Variants in CHADL observed in about 807,000 individuals in gnomAD.
The protein encoded by CHADL is chondroadherin-like protein.
CHADL carries 48 observed loss-of-function variants against 52.1 expected under a neutral mutation model. The ratio of observed to expected loss-of-function variants is 0.92; its 90% confidence interval spans 0.73 to 1.17. The LOEUF is 1.17. Among genes scored for constraint, CHADL ranks in the 50% most tolerant of loss-of-function variants. The probability of loss-of-function intolerance (pLI) is 0.00; values close to 1 mark genes in which losing one functional copy is unlikely to be tolerated. For synonymous variants in CHADL, 498 were observed against 511.2 expected, an observed-to-expected ratio of 0.97 and a Z score of 0.35; for missense variants, 977 against 1,035.1, an observed-to-expected ratio of 0.94 and a Z score of 0.77.
chr22:41,229,871 CCTCCTCCTCCTCCATCT>C, intron 5 of CHADL, 141 bp from the exon 6 acceptor site: 1 of 774,698 alleles, frequency 1.3e-6, no homozygotes, highest in East Asian at 2.7e-5. Flanking sequence ...GGCCCCGGCC[CCTCCTCCTCCTCCATCT>C]CTACCCCTAC....
chr22:41,237,449 C>T lies in CHADL; in HGVS notation c.1623G>A (p.Leu541=), dbSNP rs149122050. The T allele has an allele frequency of 4.6e-3, 7,166 of 1,550,528 alleles. 256 individuals are homozygous for T. The Admixed American group carries it at 0.09, about 19-fold the overall frequency. The part of the protein sequence containing the change: ...NAVDRLAPGD[L]GRTRALRWVY... The stretch of plus-strand genomic sequence containing the variant: ...CCCAGCGCAAGGCCCGTGTTCTCCC[C>T]AGGTCCCCAGGTGCCAGGCGGTCCA... Residue 541 remains leucine, a synonymous_variant, in exon 3 of 6, where the codon CTG becomes CTA. Transcript: ENST00000216241.
At chr22:41,230,135 T>C in intron 5 of CHADL, 1 of 1,111,286 alleles carries the variant, frequency 9.0e-7, no homozygotes, top group Non-Finnish European at 1.2e-6. Context: ...CCCTCCCTCT[T>C]CAGTCATTGC....
At chr22:41,240,777 C>T in intron 1 of CHADL, 97 bp downstream of exon 1, 3 of 1,448,662 alleles carry the variant, frequency 2.1e-6, no homozygotes, top group South Asian at 1.2e-5. Context: ...GAGCCCCTGC[C>T]CGCCAGCCTC....
intron 5 of CHADL, among the ~76,000 whole-genome samples, chr22:41,232,164 C>G (rs978620929): frequency 6.6e-6 from 1 of 151,816 alleles, no homozygotes; most frequent in African/African-American, 2.4e-5. Context: ...AACCCTGTCT[C>G]TACTAAAAAT....
intron 5 of CHADL, among the ~76,000 whole-genome samples, chr22:41,233,278 A>G (rs897600487): frequency 6.6e-6 from 1 of 152,110 alleles, no homozygotes; most frequent in Non-Finnish European, 1.5e-5. Context: ...CCTGACCAAC[A>G]TGGTAAAACC....
intron 2 of CHADL, among the ~76,000 whole-genome samples, chr22:41,239,090 GCCT>G (rs1183899444): frequency 6.6e-6 from 1 of 152,122 alleles, no homozygotes; most frequent in Non-Finnish European, 1.5e-5. Context: ...TGCTGTCCCT[GCCT>G]CCTCGCTCTC....
chr22:41,235,070 G>C, intron 5 of CHADL, 75 bp downstream of exon 5: 2 of 1,443,746 alleles, frequency 1.4e-6, no homozygotes, highest in East Asian at 2.5e-5. Flanking sequence ...GCCAAGTCAG[G>C]CTCCTGCTTC....
chr22:41,229,787 C>T, intron 5 of CHADL, 57 bp from the exon 6 acceptor site: 2 of 1,469,868 alleles, frequency 1.4e-6, no homozygotes, highest in South Asian at 2.4e-5. Flanking sequence ...ACCAAGCAGT[C>T]CTGTACCACT....
chr22:41,240,035 C>T (rs1007707214), intron 1 of CHADL, among the ~76,000 whole-genome samples: 1 of 152,100 alleles, frequency 6.6e-6, no homozygotes, highest in African/African-American at 2.4e-5. Flanking sequence ...TAATGGTACC[C>T]CCCAGAAAGG....
chr22:41,232,192 C>T (rs901820937), intron 5 of CHADL, among the ~76,000 whole-genome samples: 12 of 151,876 alleles, frequency 7.9e-5, no homozygotes, highest in Middle Eastern at 3.2e-3. Context: ...ATTAGCCGGG[C>T]GTGGTGGCAG....
intron 5 of CHADL, among the ~76,000 whole-genome samples, chr22:41,233,479 G>A (rs1325717289): frequency 6.6e-6 from 1 of 152,026 alleles, no homozygotes; most frequent in Admixed American, 6.6e-5. Flanking sequence ...AAAAAGGGGG[G>A]GTGGAATTTG....
rs541022015 is a variant in CHADL, at chr22:41,237,990, G to A, written c.1082C>T (p.Ala361Val). The change falls in exon 3 of 6, where the codon GCG becomes GTG. Residue 361 changes from alanine (A) to valine (V), a missense_variant. Ala to Val is a moderately conservative substitution (Grantham distance 64). Coordinates refer to ENST00000216241, the MANE Select transcript of CHADL (RefSeq NM_138481.2). ...TTCCAGCTCTTCCTCTTCCTGCGCC[G>A]CGTCCCCAGGGCAGCGCAGGTCCCA... is the stretch of plus-strand genomic sequence containing the variant. The part of the protein sequence containing the change: ...RPWDLRCPGD[A>V]AQEEEELEER... 2 of 1,258,950 alleles carry A rather than the reference G, an allele frequency of 1.6e-6. No homozygotes were observed. The highest frequency in any genetic ancestry group is 3.3e-5 in the East Asian group (1 of 30,158). The allele number at this position is 1,258,950 out of a possible 1,614,324, so 78.0% of individuals were successfully genotyped here.
In CHADL at chr22:41,237,176, C is replaced by T. The variant is rs1479127818; in HGVS notation, c.1896G>A (p.Gln632=). The T allele has an allele frequency of 6.5e-7, 1 of 1,535,618 alleles. No homozygotes were observed. The highest frequency in any genetic ancestry group is 1.2e-5 in the South Asian group (1 of 83,072). Residue 632 remains glutamine (Q), a splice_region_variant and synonymous_variant, in exon 3 of 6, where the codon CAG becomes CAA. Transcript: ENST00000216241. The part of the protein sequence containing the change: ...HLFLNSSGLE[Q]ICPGAFSGLG... ...ACCCCGCCAGATGCCCAGTGCCCAC[C>T]TGCTCCAGGCCACTGCTGTTCAGGA...
rs1374184160 is a variant in CHADL at position 41,237,828 on chromosome 22, C to A, written c.1244G>T (p.Gly415Val). The A allele has an allele frequency of 6.8e-7, 1 of 1,474,368 alleles. No homozygotes were observed. The highest frequency in any genetic ancestry group is 1.3e-5 in the South Asian group (1 of 74,288). 91.3% of individuals were successfully genotyped at this position (1,474,368 alleles called of 1,614,324 possible). The change falls in exon 3 of 6, where the codon GGC becomes GTC. Residue 415 changes from glycine (G) to valine (V), a missense_variant. Transcript: ENST00000216241. ...ESRHSSCEGC[G>V]LQAVPRGFPS... ...GAAGCCGCGGGGCACCGCCTGCAGGCCGCAGCCCTCGCAGCTGCTGTGCCG... is the reference window on the plus strand; with the variant it reads ...GAAGCCGCGGGGCACCGCCTGCAGGACGCAGCCCTCGCAGCTGCTGTGCCG...
At position 41,238,475 on chromosome 22, in the gene CHADL, G is replaced by C. The variant is rs1368879755; in HGVS notation, c.597C>G (p.Pro199=). 2 of 1,532,974 alleles carry C rather than the reference G, an allele frequency of 1.3e-6. No individual in the cohort carries two copies. Among genetic ancestry groups the C allele is most frequent in the Non-Finnish European group, 1.8e-6 (2 of 1,141,756 alleles). 95.0% of individuals were successfully genotyped at this position (1,532,974 alleles called of 1,614,324 possible). Residue 199 remains proline (P), a synonymous_variant, in exon 3 of 6, where the codon CCC becomes CCG. Transcript: ENST00000216241. The surrounding 1 kb of genome is among the most constrained non-coding windows in gnomAD (Gnocchi z 4.9). ...LSHNALSVLA[P]EALAGLPALR... ...GGGCGGGCAGGCCAGCCAGGGCCTC[G>C]GGGGCCAGCACGCTGAGCGCGTTGT...
At chr22:41,236,225 C>A (rs2032737374) in intron 4 of CHADL, among the ~76,000 whole-genome samples, 1 of 152,194 alleles carries the variant, frequency 6.6e-6, no homozygotes, top group Admixed American at 6.5e-5. Flanking sequence ...CCTATTAGGT[C>A]CCAGCCCGCT....
chr22:41,238,602 A>T lies in CHADL; in HGVS notation c.470T>A (p.Leu157Gln), dbSNP rs1405873455. ...CAGGTTTAGCGTGGCCAGCGCACCC[A>T]GTGCCCCGAACGTCCCCGGCCGCAG... is the stretch of plus-strand genomic sequence containing the variant. Reference protein sequence around the residue: ...EELRPGTFGALGALATLNLAH... With the variant: ...EELRPGTFGAQGALATLNLAH... The change falls in exon 3 of 6, where the codon CTG (leucine) becomes CAG (glutamine). Residue 157 changes from leucine to glutamine, a missense_variant. Physicochemically the swap from Leu to Gln is moderately radical, Grantham distance 113. Coordinates refer to ENST00000216241, the MANE Select transcript of CHADL (RefSeq NM_138481.2). This position sits in a 1 kb window ranked among gnomAD's most constrained non-coding sequence, Gnocchi z 4.9. 7.1e-6 allele frequency: 11 copies of T among 1,545,180 alleles called. No individual in the cohort carries two copies. The highest frequency in any genetic ancestry group is 9.6e-6 in the Non-Finnish European group (11 of 1,146,502).
At chr22:41,235,021 G>T (rs2032712655) in intron 5 of CHADL, 124 bp downstream of exon 5, 4 of 999,858 alleles carry the variant, frequency 4.0e-6, no homozygotes, top group Non-Finnish European at 5.9e-6. Context: ...ACGCAACTGG[G>T]TCATTGCCCA....
intron 5 of CHADL, among the ~76,000 whole-genome samples, chr22:41,234,788 C>T (rs1218508255): frequency 1.3e-5 from 2 of 152,044 alleles, no homozygotes; most frequent in African/African-American, 2.4e-5. Flanking sequence ...CTCCTGACCT[C>T]GTGATCTGCA....
Sources: gnomAD v4.1 joint callset for allele counts (sites outside exome capture counted in the v4.1 genomes callset) on GRCh38, gnomAD v4.1.1 for gene constraint, Gnocchi (gnomAD v3.1) non-coding constraint, MANE v1.5 for transcripts, NCBI Gene and HGNC (gene_info 2026-07-23, HGNC 2026-07-21) for gene names.